The following RBFOX3 variants were observed in gnomAD, a reference collection of about 807,000 sequenced individuals.
RBFOX3 encodes RNA binding fox-1 homolog 3, also known as RNA binding protein fox-1 homolog 3.
RBFOX3 carries 17 observed loss-of-function variants against 48.7 expected under a neutral mutation model. The observed-to-expected ratio is 0.35, with a 90% CI of 0.24 to 0.52. The LOEUF (loss-of-function observed/expected upper bound fraction) is 0.52, where lower values mean the gene tolerates loss of function less well. Among genes scored for constraint, RBFOX3 ranks in the 20% least tolerant of loss-of-function variants. The pLI is 0.94. For synonymous variants in RBFOX3, 212 were observed against 209.5 expected, an observed-to-expected ratio of 1.01 and a Z score of -0.10; for missense variants, 382 against 497.5, an observed-to-expected ratio of 0.77 and a Z score of 2.21.
chr17:79,609,992 G>A (rs1301447209), intron 1 of RBFOX3, among the ~76,000 whole-genome samples: 1 of 151,860 alleles, frequency 6.6e-6, no homozygotes, highest in African/African-American at 2.4e-5. Flanking sequence ...CGCGCTGCTC[G>A]AGGCCCTGGG....
At chr17:79,616,646 G>A in the RBFOX3 span, among the ~76,000 whole-genome samples, 33 of 150,764 alleles carry the variant, frequency 2.2e-4, no homozygotes, top group African/African-American at 4.6e-4. Flanking sequence ...GCCTGCTACC[G>A]CTGTTGTATG....
chr17:79,359,066 T>C (rs12602618), intron 2 of RBFOX3, among the ~76,000 whole-genome samples: 51,769 of 152,092 alleles, frequency 0.34, 9,145 homozygotes, highest in South Asian at 0.46. Context: ...CCAGGCCAGG[T>C]GTATCCATCA....
At chr17:79,455,927 C>T (rs1233424190) in intron 2 of RBFOX3, among the ~76,000 whole-genome samples, 4 of 152,174 alleles carry the variant, frequency 2.6e-5, no homozygotes, top group Non-Finnish European at 4.4e-5. Context: ...TAACCAGGTC[C>T]CACCGCAAGC....
chr17:79,335,979 G>A (rs747573761), intron 2 of RBFOX3, among the ~76,000 whole-genome samples: 3 of 152,184 alleles, frequency 2.0e-5, no homozygotes, highest in Non-Finnish European at 4.4e-5. Flanking sequence ...CACACCTGCC[G>A]GTCTGCCTGC....
chr17:79,127,942 G>A (rs1327596646), intron 4 of RBFOX3, among the ~76,000 whole-genome samples: 6 of 152,322 alleles, frequency 3.9e-5, no homozygotes, highest in South Asian at 2.1e-4. Flanking sequence ...CTGCTGGTGC[G>A]GGCAGGGAGC....
intron 2 of RBFOX3, among the ~76,000 whole-genome samples, chr17:79,470,834 C>T (rs142849855): frequency 2.0e-5 from 3 of 152,208 alleles, no homozygotes; most frequent in Non-Finnish European, 4.4e-5. Flanking sequence ...TGGCAACACA[C>T]GCCCAGTCCC....
chr17:79,229,891 G>C (rs547255344), intron 4 of RBFOX3, among the ~76,000 whole-genome samples: 1 of 152,296 alleles, frequency 6.6e-6, no homozygotes, highest in African/African-American at 2.4e-5. Flanking sequence ...CCTGCCTTTT[G>C]AACAGGCCTG....
intron 3 of RBFOX3, among the ~76,000 whole-genome samples, chr17:79,290,446 G>T (rs1163720093): frequency 6.6e-6 from 1 of 151,754 alleles, no homozygotes; most frequent in African/African-American, 2.4e-5. Flanking sequence ...ACGGTGTCAT[G>T]GGCTTCCCAT....
intron 2 of RBFOX3, among the ~76,000 whole-genome samples, chr17:79,394,246 T>A (rs2061714436): frequency 6.6e-6 from 1 of 152,164 alleles, no homozygotes; most frequent in African/African-American, 2.4e-5. Flanking sequence ...TGGAAAAGCA[T>A]GAGGGACTCA....
chr17:79,183,068 T>TGGGCGCCCCCGCGCTCGGCCGCCGCGCAG (rs2052492484), intron 4 of RBFOX3, among the ~76,000 whole-genome samples: 6 of 148,136 alleles, frequency 4.1e-5, no homozygotes, highest in East Asian at 2.0e-4. Context: ...GCGCGCGCCC[T>TGGGCGCCCCCGCGCTCGGCCGCCGCGCAG]GGGCGCCCCC....
rs1293098929 is a variant in RBFOX3, at chr17:79,362,235, C to T, written c.-174-54411G>A. 6.6e-6 allele frequency among the ~76,000 whole-genome samples: 1 copy of T among 152,228 alleles called. No individual in the cohort carries two copies. Among genetic ancestry groups the T allele is most frequent in the African/African-American group, 2.4e-5 (1 of 41,470 alleles). On this transcript the variant is annotated intron_variant, in intron 2 of 14. Transcript: ENST00000693108. The surrounding 1 kb of genome is among the most constrained non-coding windows in gnomAD (Gnocchi z 4.2). ...TGAGGTGAGCGCCCCAGAGAGCTTCCCAGGTTCTCAGATATTTTCCTGCCT... is the reference window on the plus strand; with the variant it reads ...TGAGGTGAGCGCCCCAGAGAGCTTCTCAGGTTCTCAGATATTTTCCTGCCT...
chr17:79,141,420 G>A (rs1377395178), intron 4 of RBFOX3, among the ~76,000 whole-genome samples: 1 of 152,216 alleles, frequency 6.6e-6, no homozygotes, highest in Non-Finnish European at 1.5e-5. Context: ...GGCTCCGGGA[G>A]GGTCTCTTCT....
At position 79,220,496 on chromosome 17, in the gene RBFOX3, G is replaced by C. The variant is rs537020625; in HGVS notation, c.-34+15270C>G. ...CTCGCCCATCGATGGGGTCCTGCCCGGCACTGCCCTGTCGCAGTCACTCCT... is the reference window on the plus strand; with the variant it reads ...CTCGCCCATCGATGGGGTCCTGCCCCGCACTGCCCTGTCGCAGTCACTCCT... On this transcript the variant is annotated intron_variant, in intron 4 of 14. Coordinates refer to ENST00000693108, the MANE Select transcript of RBFOX3 (RefSeq NM_001350451.2). This position sits in a 1 kb window ranked among gnomAD's most constrained non-coding sequence, Gnocchi z 5.9. Among the ~76,000 whole-genome samples, 2 of 152,038 alleles carry C rather than the reference G, an allele frequency of 1.3e-5. No homozygotes were observed. The highest frequency in any genetic ancestry group is 2.9e-5 in the Non-Finnish European group (2 of 68,022).
rs529928649 is a variant in RBFOX3 at position 79,372,677 on chromosome 17, G to T, written c.-174-64853C>A. 2.5e-3 allele frequency among the ~76,000 whole-genome samples: 382 copies of T among 152,050 alleles called. 1 individual carries two copies. Among genetic ancestry groups the T allele is most frequent in the African/African-American group, 8.1e-3 (338 of 41,488 alleles). On this transcript the variant is annotated intron_variant, in intron 2 of 14. Coordinates refer to ENST00000693108, the MANE Select transcript of RBFOX3 (RefSeq NM_001350451.2). ...GGGGACTTCCTCCCCACCCACAGGG[G>T]CAGGGCAGGGACAGACGTGTGAGAC...
intron 4 of RBFOX3, among the ~76,000 whole-genome samples, chr17:79,130,928 G>A (rs1175225927): frequency 1.3e-5 from 2 of 152,272 alleles, no homozygotes; most frequent in African/African-American, 2.4e-5. Context: ...GACACGGTGC[G>A]CGGGAATCAG....
At chr17:79,325,696 C>T (rs1471265526) in intron 2 of RBFOX3, among the ~76,000 whole-genome samples, 1 of 152,206 alleles carries the variant, frequency 6.6e-6, no homozygotes, top group Non-Finnish European at 1.5e-5. Context: ...GCAGTGGCTC[C>T]TCCCTCTCTC....
rs151101044 is a variant in RBFOX3, at chr17:79,258,960, C to T, written c.-73-23155G>A. Among the ~76,000 whole-genome samples the T allele has an allele frequency of 6.9e-3, 1,047 of 152,378 alleles. 10 individuals are homozygous for T. Among genetic ancestry groups the T allele is most frequent in the Middle Eastern group, 0.014 (4 of 294 alleles). On this transcript the variant is annotated intron_variant, in intron 3 of 14. Transcript: ENST00000693108. ...CCCCAAAGCTGCCCTGCTTTCTCAGCGCTTGCTAGAGGGAAGCCTGCTCTT... is the reference window on the plus strand; with the variant it reads ...CCCCAAAGCTGCCCTGCTTTCTCAGTGCTTGCTAGAGGGAAGCCTGCTCTT...
chr17:79,157,407 G>A (rs1448263684), intron 4 of RBFOX3, among the ~76,000 whole-genome samples: 3 of 152,144 alleles, frequency 2.0e-5, no homozygotes, highest in African/African-American at 7.2e-5. Context: ...TCCCCGTAAG[G>A]CCCCGGAATC....
intron 2 of RBFOX3, among the ~76,000 whole-genome samples, chr17:79,459,991 G>C (rs1006572159): frequency 2.0e-5 from 3 of 152,180 alleles, no homozygotes; most frequent in Non-Finnish European, 4.4e-5. Context: ...GGCATGGACA[G>C]GTGCTGCAAT....
Sources: gnomAD v4.1 joint callset for allele counts (sites outside exome capture counted in the v4.1 genomes callset) on GRCh38, gnomAD v4.1.1 for gene constraint, Gnocchi (gnomAD v3.1) non-coding constraint, MANE v1.5 for transcripts, NCBI Gene and HGNC (gene_info 2026-07-23, HGNC 2026-07-21) for gene names.